Variants in GANAB observed in about 807,000 individuals in gnomAD.
The protein encoded by GANAB is neutral alpha-glucosidase AB.
A neutral mutation model predicts 129.9 loss-of-function variants in GANAB; 35 were observed. The ratio of observed to expected loss-of-function variants is 0.27; its 90% CI spans 0.21 to 0.36. The LOEUF (loss-of-function observed/expected upper bound fraction) is 0.36, where lower values mean the gene tolerates loss of function less well. Among genes scored for constraint, GANAB ranks in the 10% least tolerant of loss-of-function variants. The pLI is 1.00. For synonymous variants in GANAB, 482 were observed against 451.8 expected (o/e 1.07, Z -0.85); for missense variants, 939 against 1,221.0 (o/e 0.77, Z 3.44).
intron 1 of GANAB, among the ~76,000 whole-genome samples, chr11:62,642,491 G>C (rs1053124518): frequency 6.6e-6 from 1 of 151,442 alleles, no homozygotes; most frequent in Non-Finnish European, 1.5e-5. Context: ...TTGGAGTGCA[G>C]TGACATGATC....
chr11:62,640,226 G>GAAAAA (rs1565109325), intron 1 of GANAB, among the ~76,000 whole-genome samples: 1 of 2,722 alleles, frequency 3.7e-4, no homozygotes, highest in African/African-American at 1.9e-3. Context: ...GACAGAGCTA[G>GAAAAA]ACAAAAAAAA....
In GANAB at chr11:62,634,953, G is replaced by A. The variant is rs374728010; in HGVS notation, c.428C>T (p.Ala143Val). 8 of 1,613,602 alleles carry A rather than the reference G, an allele frequency of 5.0e-6. No individual in the cohort carries two copies. In the African/African-American group the frequency reaches 1.1e-4, roughly 22 times the overall value. Reference protein sequence around the residue: ...RDENSVELTMAEGPYKIILTA... With the variant: ...RDENSVELTMVEGPYKIILTA... ...CAAGATGATCTTGTAGGGTCCCTCAGCCATGGTTAACTCCACACTGTTCTC... is the reference window on the plus strand; with the variant it reads ...CAAGATGATCTTGTAGGGTCCCTCAACCATGGTTAACTCCACACTGTTCTC... The change falls in exon 5 of 24, where the codon GCT becomes GTT. Residue 143 changes from alanine to valine, a missense_variant. Ala to Val is a moderately conservative substitution (Grantham distance 64). This residue lies in a region of GANAB where 321 missense variants were observed against 329.1 expected (regional missense o/e 0.98). Coordinates refer to ENST00000356638, the MANE Select transcript of GANAB (RefSeq NM_198334.3).
rs745970725 is a variant in GANAB, at chr11:62,626,620, T to C, written c.2462A>G (p.Glu821Gly). The C allele has an allele frequency of 6.2e-7, 1 of 1,612,926 alleles. No homozygotes were observed. The highest frequency in any genetic ancestry group is 1.7e-5 in the Admixed American group (1 of 59,928). ...AGTGATGGGGTCATCCTTCATACAT[T>C]CTGAAGACCGCCGCACTCGCATCCA... is the stretch of plus-strand genomic sequence containing the variant. ...PRWMRVRRSS[E>G]CMKDDPITLF... The change falls in exon 21 of 24, where the codon GAA becomes GGA. Residue 821 changes from glutamate (E) to glycine (G), a missense_variant. Coordinates refer to ENST00000356638, the MANE Select transcript of GANAB (RefSeq NM_198334.3).
intron 22 of GANAB, 24 bp downstream of exon 22, chr11:62,626,311 A>T: frequency 6.6e-7 from 1 of 1,509,072 alleles, no homozygotes; most frequent in South Asian, 1.1e-5. Flanking sequence ...AAAGGCAGCC[A>T]AGGAAGAGTG....
At chr11:62,645,805 T>C (rs963954825) in intron 1 of GANAB, among the ~76,000 whole-genome samples, 33 of 152,216 alleles carry the variant, frequency 2.2e-4, no homozygotes, top group African/African-American at 7.0e-4. Context: ...ACTGAGTTTA[T>C]GATCCACGCT....
Position 62,632,657 on chromosome 11 carries a change from G to C in GANAB, c.904C>G (p.Leu302Val). The change falls in exon 9 of 24, where the codon CTC becomes GTC. Residue 302 changes from leucine to valine, a missense_variant. Around this residue, in one of 5 missense-constraint regions of GANAB, gnomAD observed 220 missense variants for 295.9 expected, o/e 0.74. Transcript: ENST00000356638. ...PMALYGSVPV[L>V]LAHNPHRDLG... The stretch of plus-strand genomic sequence containing the variant: ...TCGCGATGAGGGTTGTGTGCCAGGA[G>C]CACAGGCACAGACCCATACAAGGCC... The C allele has an allele frequency of 1.2e-6, 2 of 1,612,378 alleles. No homozygotes were observed. Among genetic ancestry groups the C allele is most frequent in the Non-Finnish European group, 1.7e-6 (2 of 1,178,394 alleles).
chr11:62,632,919 G>A (rs1943755783), intron 8 of GANAB, 86 bp downstream of exon 8: 2 of 1,002,144 alleles, frequency 2.0e-6, no homozygotes, highest in African/African-American at 1.6e-5. Context: ...TGCTTGCCTA[G>A]AGTATCCAAT....
At chr11:62,630,928 G>C (rs1943643033) in intron 10 of GANAB, 92 bp from the exon 11 acceptor site, 2 of 1,474,968 alleles carry the variant, frequency 1.4e-6, no homozygotes, top group African/African-American at 2.8e-5. Flanking sequence ...CAGGCTGAGG[G>C]GTATAAACCT....
chr11:62,625,905 C>G lies in GANAB; in HGVS notation c.2745G>C (p.Leu915=). The G allele has an allele frequency of 6.2e-7, 1 of 1,613,298 alleles. No individual in the cohort carries two copies. The highest frequency in any genetic ancestry group is 8.5e-7 in the Non-Finnish European group (1 of 1,179,214). Residue 915 remains leucine (L), a synonymous_variant, in exon 24 of 24, where the codon CTG becomes CTC. Coordinates refer to ENST00000356638, the MANE Select transcript of GANAB (RefSeq NM_198334.3). ...LQTKGSPESR[L]SFQHDPETSV... ...AGGTCTCAGGGTCATGCTGGAAGGACAGGCGGCTTTCTGGAGATCCTGGAG... is the reference window on the plus strand; with the variant it reads ...AGGTCTCAGGGTCATGCTGGAAGGAGAGGCGGCTTTCTGGAGATCCTGGAG...
In GANAB at chr11:62,626,055, G is replaced by A; in HGVS notation, c.2725+10C>T. The A allele has an allele frequency of 6.3e-7, 1 of 1,593,846 alleles. No individual in the cohort carries two copies. Among genetic ancestry groups the A allele is most frequent in the Middle Eastern group, 1.7e-4 (1 of 6,024 alleles). Reference sequence around the variant, plus strand: ...CTTCCCCCATCCTAGGGGCCAGATTGGTCACTCACCTTTTGTCTGGAGTAC... The same window carrying A: ...CTTCCCCCATCCTAGGGGCCAGATTAGTCACTCACCTTTTGTCTGGAGTAC... On this transcript the variant is annotated intron_variant, in intron 23 of 23. Transcript: ENST00000356638.
intron 1 of GANAB, among the ~76,000 whole-genome samples, chr11:62,641,902 T>G (rs911191237): frequency 1.2e-4 from 18 of 151,826 alleles, no homozygotes; most frequent in African/African-American, 4.1e-4. Context: ...GTTGTGGTTT[T>G]TGTTTTTTTT....
chr11:62,633,074 G>C lies in GANAB; in HGVS notation c.746C>G (p.Ser249Cys), dbSNP rs773537449. The C allele has an allele frequency of 3.8e-5, 62 of 1,612,300 alleles. No individual in the cohort carries two copies. The highest frequency in any genetic ancestry group is 4.8e-5 in the Non-Finnish European group (56 of 1,178,470). Residue 249 changes from serine to cysteine, a missense_variant, in exon 8 of 24, where the codon TCT becomes TGT. Around this residue, in one of 5 missense-constraint regions of GANAB, gnomAD observed 321 missense variants for 329.1 expected, o/e 0.98. Transcript: ENST00000356638. ...ATAGACATGCTCCATGCCTGGCAGA[G>C]AGAAGTCCAAACCCACAGACATGGG... ...YGPMSVGLDFSLPGMEHVYGI... is the reference protein window; with the variant it reads ...YGPMSVGLDFCLPGMEHVYGI...
chr11:62,630,871 G>A, intron 10 of GANAB, 35 bp from the exon 11 acceptor site: 1 of 1,564,292 alleles, frequency 6.4e-7, no homozygotes, highest in South Asian at 1.1e-5. Flanking sequence ...TCACAACGAG[G>A]ATCAGGCCCA....
chr11:62,629,181 C>T lies in GANAB; in HGVS notation c.1936+13G>A, dbSNP rs751670287. On this transcript the variant is annotated intron_variant, in intron 16 of 23. Coordinates refer to ENST00000356638, the MANE Select transcript of GANAB (RefSeq NM_198334.3). ...CCCACCAAACCAAGACCCCAAATTC[C>T]TCCCTGTCTTACCCCCACAGAAGGA... 51 of 1,595,864 alleles carry T rather than the reference C, an allele frequency of 3.2e-5. No individual in the cohort carries two copies. Among genetic ancestry groups the T allele is most frequent in the Non-Finnish European group, 4.1e-5 (48 of 1,163,534 alleles).
At chr11:62,636,584 A>T (rs1943948975) in intron 4 of GANAB, among the ~76,000 whole-genome samples, 1 of 152,292 alleles carries the variant, frequency 6.6e-6, no homozygotes, top group African/African-American at 2.4e-5. Flanking sequence ...TCGGAGGCCG[A>T]GGCAGGTGGA....
intron 1 of GANAB, 70 bp downstream of exon 1, chr11:62,646,492 G>C (rs1944490412): frequency 4.6e-6 from 7 of 1,532,628 alleles, no homozygotes; most frequent in Non-Finnish European, 6.3e-6. Flanking sequence ...AGACACACAG[G>C]AAGGAGTGGA....
chr11:62,640,615 C>T (rs1378627049), intron 1 of GANAB, among the ~76,000 whole-genome samples: 1 of 149,644 alleles, frequency 6.7e-6, no homozygotes, highest in Non-Finnish European at 1.5e-5. Flanking sequence ...TGACAGATCA[C>T]GAGGTCAGGA....
chr11:62,634,494 CA>C (rs1157595602), intron 5 of GANAB: 56 of 689,980 alleles, frequency 8.1e-5, no homozygotes, highest in Middle Eastern at 2.6e-4. Context: ...AAAAAGAAAC[CA>C]AAAAAAATAA....
At chr11:62,645,262 C>G (rs1284290855) in intron 1 of GANAB, among the ~76,000 whole-genome samples, 1 of 152,086 alleles carries the variant, frequency 6.6e-6, no homozygotes, top group East Asian at 1.9e-4. Flanking sequence ...TGAGGCCGGG[C>G]GCGGTGGCTC....
Sources: gnomAD v4.1 joint callset for allele counts (sites outside exome capture counted in the v4.1 genomes callset) on GRCh38, gnomAD v4.1.1 for gene constraint, gnomAD v4.1.1 regional missense constraint, MANE v1.5 for transcripts, NCBI Gene and HGNC (gene_info 2026-07-23, HGNC 2026-07-21) for gene names.